The following PPARD variants were observed in gnomAD, a reference collection of about 807,000 sequenced individuals.
PPARD encodes peroxisome proliferator-activated receptor delta.
PPARD carries 6 observed loss-of-function variants against 39.5 expected under a neutral mutation model. The ratio of observed to expected loss-of-function variants is 0.15; its 90% CI spans 0.08 to 0.30. The LOEUF is 0.30. Among genes scored for constraint, PPARD ranks in the 10% least tolerant of loss-of-function variants. The pLI, the probability that PPARD is intolerant of heterozygous loss-of-function variation, is 1.00. For synonymous variants in PPARD, 210 were observed against 231.3 expected (o/e 0.91, Z 0.83); for missense variants, 397 against 596.8 (o/e 0.67, Z 3.49).
At chr6:35,348,434 G>T in intron 2 of PPARD, 4 of 985,406 alleles carry the variant, frequency 4.1e-6, no homozygotes, top group Non-Finnish European at 4.8e-6. Context: ...TTCTCAGGAT[G>T]CCTGGCAGGT....
chr6:35,398,803 T>TA (rs1352882307), intron 2 of PPARD, among the ~76,000 whole-genome samples: 1 of 152,178 alleles, frequency 6.6e-6, no homozygotes, highest in Non-Finnish European at 1.5e-5. Flanking sequence ...TCATAAGTGT[T>TA]ACCGAAAGTT....
intron 2 of PPARD, among the ~76,000 whole-genome samples, chr6:35,350,879 G>A (rs1227341293): frequency 6.6e-6 from 1 of 151,926 alleles, no homozygotes; most frequent in African/African-American, 2.4e-5. Context: ...TGCCCACCTC[G>A]GTCTCCCAAA....
At chr6:35,421,322 T>G (rs1284685101) in intron 4 of PPARD, among the ~76,000 whole-genome samples, 1 of 149,458 alleles carries the variant, frequency 6.7e-6, no homozygotes, top group Non-Finnish European at 1.5e-5. Context: ...TTTTTTTTGT[T>G]TTGTTTTGTT....
At chr6:35,405,536 G>A (rs1010703096) in intron 2 of PPARD, among the ~76,000 whole-genome samples, 5 of 151,826 alleles carry the variant, frequency 3.3e-5, no homozygotes, top group Non-Finnish European at 5.9e-5. Flanking sequence ...GGCGTGGAGA[G>A]GGGAGATAGC....
rs60268510 is a variant in PPARD at position 35,401,569 on chromosome 6, CCAGGTCCT to C, written c.-101-9415_-101-9408del. ...GCCCTTCTCTCTACCCACAGACAGC[CCAGGTCCT>C]CATTCCTTGGGCCTTTTCACATCAC... On this transcript the variant is annotated intron_variant, in intron 2 of 7. Transcript: ENST00000360694. The surrounding 1 kb of genome is among the most constrained non-coding windows in gnomAD (Gnocchi z 4.1). 0.052 allele frequency among the ~76,000 whole-genome samples: 7,947 copies of C among 152,224 alleles called. 295 individuals are homozygous for C. Among genetic ancestry groups the C allele is most frequent in the African/African-American group, 0.1 (4,314 of 41,508 alleles).
chr6:35,421,737 C>T (rs543996996), intron 4 of PPARD, 83 bp from the exon 5 acceptor site: 107 of 1,431,016 alleles, frequency 7.5e-5, no homozygotes, highest in Non-Finnish European at 9.0e-5. Context: ...GGAGTGTTTA[C>T]ACCTTATACA....
intron 2 of PPARD, among the ~76,000 whole-genome samples, chr6:35,352,619 G>C (rs1338183769): frequency 6.6e-6 from 1 of 152,192 alleles, no homozygotes; most frequent in Non-Finnish European, 1.5e-5. Context: ...GCCCAGCTGG[G>C]TGGTTCTTGC....
At chr6:35,361,760 C>G (rs965901102) in intron 2 of PPARD, among the ~76,000 whole-genome samples, 2 of 152,262 alleles carry the variant, frequency 1.3e-5, no homozygotes, top group South Asian at 4.1e-4. Flanking sequence ...TTACACCTTG[C>G]TGAGGGTCTG....
chr6:35,358,514 G>A (rs1390653198), intron 2 of PPARD, among the ~76,000 whole-genome samples: 1 of 152,210 alleles, frequency 6.6e-6, no homozygotes, highest in Non-Finnish European at 1.5e-5. Flanking sequence ...ACAAGTGGTG[G>A]CTTGGCTGAT....
chr6:35,421,345 G>A (rs1485544337), intron 4 of PPARD, among the ~76,000 whole-genome samples: 2 of 149,102 alleles, frequency 1.3e-5, no homozygotes, highest in Admixed American at 6.7e-5. Flanking sequence ...ATTTTGTTTT[G>A]TTTTGTTTTG....
intron 1 of PPARD, among the ~76,000 whole-genome samples, chr6:35,346,100 C>T (rs902335977): frequency 6.6e-6 from 1 of 152,012 alleles, no homozygotes; most frequent in African/African-American, 2.4e-5. Context: ...GAGATGGTCT[C>T]GATTTCCTGA....
intron 2 of PPARD, among the ~76,000 whole-genome samples, chr6:35,384,972 G>GC (rs1490701844): frequency 1.5e-5 from 2 of 130,974 alleles, no homozygotes; most frequent in Admixed American, 7.1e-5. Context: ...GGGGGGGTCA[G>GC]CCCCCCGCCG....
chr6:35,389,037 G>A (rs1443416636), intron 2 of PPARD, among the ~76,000 whole-genome samples: 1 of 152,084 alleles, frequency 6.6e-6, no homozygotes, highest in Non-Finnish European at 1.5e-5. Flanking sequence ...TTACAGCCAG[G>A]CACAGTGACT....
rs187472977 is a variant in PPARD at position 35,358,549 on chromosome 6, C to T, written c.-102+11399C>T. On this transcript the variant is annotated intron_variant, in intron 2 of 7. Transcript: ENST00000360694. ...TCCCTGTTCTTATTTTAAGGCGTCC[C>T]TCTCATGGCACAAGGAGAGCATAGG... Among the ~76,000 whole-genome samples the T allele has an allele frequency of 1.7e-4, 26 of 152,290 alleles. No individual in the cohort carries two copies. In the East Asian group the frequency reaches 3.3e-3, roughly 19 times the overall value.
At chr6:35,399,448 G>A (rs1167752933) in intron 2 of PPARD, among the ~76,000 whole-genome samples, 2 of 149,542 alleles carry the variant, frequency 1.3e-5, no homozygotes, top group Non-Finnish European at 3.0e-5. Flanking sequence ...GCTCATGCCT[G>A]TAATTCCAAC....
intron 2 of PPARD, among the ~76,000 whole-genome samples, chr6:35,349,887 G>A (rs1364317957): frequency 2.0e-5 from 3 of 151,588 alleles, no homozygotes; most frequent in Admixed American, 6.6e-5. Flanking sequence ...GATTACAGGC[G>A]CCCGCCACCA....
intron 2 of PPARD, among the ~76,000 whole-genome samples, chr6:35,386,847 C>G (rs1259977138): frequency 6.6e-6 from 1 of 152,036 alleles, no homozygotes; most frequent in Admixed American, 6.5e-5. Context: ...CCAGGAGGCC[C>G]TGTCTTGTGC....
At chr6:35,402,433 G>A (rs1299856243) in intron 2 of PPARD, among the ~76,000 whole-genome samples, 4 of 152,186 alleles carry the variant, frequency 2.6e-5, no homozygotes, top group South Asian at 4.1e-4. Flanking sequence ...GCAGGTGGGT[G>A]GGTGGGCACA....
chr6:35,379,715 G>A (rs1484431468), intron 2 of PPARD, among the ~76,000 whole-genome samples: 1 of 152,224 alleles, frequency 6.6e-6, no homozygotes, highest in Admixed American at 6.5e-5. Flanking sequence ...TTCTCTTTCT[G>A]AGGCTTGGAC....
Sources: allele counts gnomAD v4.1 joint callset (sites outside exome capture counted in the v4.1 genomes callset), GRCh38; gene constraint gnomAD v4.1.1; non-coding constraint Gnocchi (gnomAD v3.1); transcripts MANE v1.5; gene names NCBI Gene and HGNC (gene_info 2026-07-23, HGNC 2026-07-21).